Variants in DSTN observed in about 807,000 individuals in gnomAD.
The protein encoded by DSTN is destrin.
DSTN carries 10 observed loss-of-function variants against 16.8 expected under a neutral mutation model. The observed-to-expected ratio is 0.60, with a 90% CI of 0.37 to 1.01. DSTN has a LOEUF of 1.01. Ranked by LOEUF, DSTN falls within the 50% of genes least tolerant of loss-of-function variation. The pLI, the probability that DSTN is intolerant of heterozygous loss-of-function variation, is 0.01. For synonymous variants in DSTN, 57 were observed against 58.9 expected, an observed-to-expected ratio of 0.97 and a Z score of 0.14; for missense variants, 141 against 196.7, an observed-to-expected ratio of 0.72 and a Z score of 1.69.
chr20:17,575,827 C>T (rs985270326), intron 1 of DSTN, among the ~76,000 whole-genome samples: 2 of 152,154 alleles, frequency 1.3e-5, no homozygotes, highest in African/African-American at 4.8e-5. Flanking sequence ...TGCGCCCAGC[C>T]GTGAAAGTAT....
intron 1 of DSTN, among the ~76,000 whole-genome samples, chr20:17,586,946 C>T (rs563806859): frequency 6.6e-6 from 1 of 152,196 alleles, no homozygotes; most frequent in South Asian, 2.1e-4. Context: ...ACACTTTCTC[C>T]TCTGGTTAAA....
At chr20:17,575,200 C>T (rs1320439682) in intron 1 of DSTN, among the ~76,000 whole-genome samples, 1 of 151,962 alleles carries the variant, frequency 6.6e-6, no homozygotes, top group Admixed American at 6.6e-5. Flanking sequence ...ACTTAGTATA[C>T]AGGAAGACTT....
chr20:17,570,090 C>G lies in DSTN; in HGVS notation c.-119C>G, dbSNP rs1050712154. The G allele has an allele frequency of 2.8e-6, 4 of 1,447,444 alleles. No homozygotes were observed. In the African/African-American group the frequency reaches 5.9e-5, roughly 21 times the overall value. 89.7% of individuals were successfully genotyped at this position (1,447,444 alleles called of 1,614,324 possible). ...AGGCGCGCCCGCCCCGGGGTAAGCT[C>G]GCGCCGCCGCGTCAGCTCAGCGCTG... is the stretch of plus-strand genomic sequence containing the variant. On this transcript the variant is annotated 5_prime_UTR_variant, in exon 1 of 4. Transcript: ENST00000246069.
intron 1 of DSTN, among the ~76,000 whole-genome samples, chr20:17,570,723 G>A (rs1416493942): frequency 1.3e-5 from 2 of 152,228 alleles, no homozygotes; most frequent in Admixed American, 6.5e-5. Flanking sequence ...AAGCCTTTAT[G>A]GAACAGTCCT....
intron 3 of DSTN, among the ~76,000 whole-genome samples, chr20:17,605,698 A>C (rs1490857347): frequency 6.6e-6 from 1 of 152,130 alleles, no homozygotes; most frequent in African/African-American, 2.4e-5. Flanking sequence ...CTTTAGCTTC[A>C]ACACTTTCCC....
intron 1 of DSTN, among the ~76,000 whole-genome samples, chr20:17,580,065 T>TCC (rs2035325964): frequency 6.6e-6 from 1 of 152,244 alleles, no homozygotes; most frequent in South Asian, 2.1e-4. Flanking sequence ...TGAAAAGAGT[T>TCC]GGAGGAGTGC....
intron 1 of DSTN, among the ~76,000 whole-genome samples, chr20:17,586,331 T>A (rs937449660): frequency 6.6e-6 from 1 of 152,210 alleles, no homozygotes; most frequent in Non-Finnish European, 1.5e-5. Context: ...GGTATGCCTG[T>A]ATATACTAGG....
rs1203752878 is a variant in DSTN, at chr20:17,609,645, A to G, written c.*2499A>G. ...TAGTTAGTCTCTAGGGGAACTTTTG[A>G]GAAAGTCTCAGTGGATTCCTGAGGC... On this transcript the variant is annotated 3_prime_UTR_variant, in exon 4 of 4. Transcript: ENST00000246069. The G allele has an allele frequency of 6.6e-6, 1 of 152,222 alleles. No individual in the cohort carries two copies. The highest frequency in any genetic ancestry group is 1.5e-5 in the Non-Finnish European group (1 of 68,042). 9.4% of individuals were successfully genotyped at this position (152,222 alleles called of 1,614,324 possible). A position where few individuals can be genotyped will look rare whatever the true frequency, so the allele number is the denominator to read the frequency against.
At chr20:17,586,253 G>A (rs1314947693) in intron 1 of DSTN, among the ~76,000 whole-genome samples, 1 of 152,064 alleles carries the variant, frequency 6.6e-6, no homozygotes, top group East Asian at 1.9e-4. Flanking sequence ...ATATGCACAG[G>A]GAAACCAAAA....
intron 1 of DSTN, among the ~76,000 whole-genome samples, chr20:17,584,404 C>T (rs1164318646): frequency 6.6e-6 from 1 of 152,142 alleles, no homozygotes; most frequent in African/African-American, 2.4e-5. Flanking sequence ...AATCCCTGCA[C>T]TTTGGGAGGC....
rs142383793 is a variant in DSTN at position 17,608,215 on chromosome 20, A to C, written c.*1069A>C. 2.6e-5 allele frequency: 4 copies of C among 152,336 alleles called. No homozygotes were observed. Among genetic ancestry groups the C allele is most frequent in the African/African-American group, 9.6e-5 (4 of 41,572 alleles). The allele number at this position is 152,336 out of a possible 1,614,324, so 9.4% of individuals were successfully genotyped here. ...ACTTAGAAGTAGCAGTATTGGCTTT[A>C]TGTAATAAAGGAAGCATTTTTGACT... On this transcript the variant is annotated 3_prime_UTR_variant, in exon 4 of 4. Transcript: ENST00000246069.
intron 2 of DSTN, among the ~76,000 whole-genome samples, chr20:17,603,094 C>T (rs532927582): frequency 6.6e-6 from 1 of 152,292 alleles, no homozygotes; most frequent in South Asian, 2.1e-4. Flanking sequence ...ATGGCTCTGC[C>T]TCCTTCCCTG....
In DSTN at chr20:17,570,179, C is replaced by A; in HGVS notation, c.-30C>A. ...ATACTCGCTGCCCGCCGGCTCCCTC[C>A]CCCGCGTCCCTGCGACCGCCGCGGC... On this transcript the variant is annotated 5_prime_UTR_variant, in exon 1 of 4. Transcript: ENST00000246069. 1 of 1,519,160 alleles carries A rather than the reference C, an allele frequency of 6.6e-7. No homozygotes were observed. The highest frequency in any genetic ancestry group is 1.2e-5 in the South Asian group (1 of 82,866). 94.1% of individuals were successfully genotyped at this position (1,519,160 alleles called of 1,614,324 possible).
At chr20:17,604,453 C>G in intron 2 of DSTN, 102 bp from the exon 3 acceptor site, 3 of 1,206,396 alleles carry the variant, frequency 2.5e-6, no homozygotes, top group Non-Finnish European at 3.5e-6. Context: ...TCAGGAGAGT[C>G]TGAGGATTCT....
intron 1 of DSTN, among the ~76,000 whole-genome samples, chr20:17,571,142 A>G (rs1158937764): frequency 6.6e-6 from 1 of 152,216 alleles, no homozygotes; most frequent in Non-Finnish European, 1.5e-5. Flanking sequence ...CTAATTAGCT[A>G]TTTAAAAACG....
chr20:17,570,557 G>A (rs758728356), intron 1 of DSTN, among the ~76,000 whole-genome samples: 1 of 152,184 alleles, frequency 6.6e-6, no homozygotes, highest in Non-Finnish European at 1.5e-5. Context: ...TCCATCCGGG[G>A]GTCTGCACAC....
chr20:17,573,140 G>A (rs530992311), intron 1 of DSTN, among the ~76,000 whole-genome samples: 1 of 152,318 alleles, frequency 6.6e-6, no homozygotes, highest in South Asian at 2.1e-4. Flanking sequence ...TGAGAACACA[G>A]AGCTCAGGTA....
At chr20:17,587,319 T>C (rs1600704997) in intron 1 of DSTN, among the ~76,000 whole-genome samples, 1 of 151,980 alleles carries the variant, frequency 6.6e-6, no homozygotes, top group Non-Finnish European at 1.5e-5. Flanking sequence ...CAGGCTGGAG[T>C]GCAGTGGTGT....
chr20:17,601,155 C>A, intron 2 of DSTN, 110 bp downstream of exon 2: 2 of 1,308,446 alleles, frequency 1.5e-6, no homozygotes, highest in Non-Finnish European at 1.0e-6. Context: ...CAGTTGTTGT[C>A]ATTTAATTTT....
Sources: allele counts gnomAD v4.1 joint callset (sites outside exome capture counted in the v4.1 genomes callset), GRCh38; gene constraint gnomAD v4.1.1; transcripts MANE v1.5; gene names NCBI Gene and HGNC (gene_info 2026-07-23, HGNC 2026-07-21).